Variants in TSPAN9 observed in about 807,000 individuals in gnomAD.
TSPAN9 encodes the protein tetraspanin-9.
A neutral mutation model predicts 31.0 loss-of-function variants in TSPAN9; 16 were observed. The ratio of observed to expected loss-of-function variants is 0.52; its 90% CI spans 0.35 to 0.78. TSPAN9 has a LOEUF of 0.78. TSPAN9 is among the 30% of genes least tolerant of loss of function. The pLI, the probability that TSPAN9 is intolerant of heterozygous loss-of-function variation, is 0.01. For synonymous variants in TSPAN9, 145 were observed against 121.6 expected (o/e 1.19, Z -1.27); for missense variants, 272 against 312.5 (o/e 0.87, Z 0.98).
rs988250196 is a variant in TSPAN9, at chr12:3,107,344, C to T, written c.-18+23625C>T. On this transcript the variant is annotated intron_variant, in intron 2 of 8. Transcript: ENST00000011898. The surrounding 1 kb of genome is among the most constrained non-coding windows in gnomAD (Gnocchi z 4.1). ...TGAAAACCTGAGGTCTGCCAGGCGG[C>T]ACTGCAGGGGGCGGGAGTGGCCTGG... 6.6e-6 allele frequency among the ~76,000 whole-genome samples: 1 copy of T among 152,234 alleles called. No homozygotes were observed. Among genetic ancestry groups the T allele is most frequent in the African/African-American group, 2.4e-5 (1 of 41,462 alleles).
At chr12:3,086,489 C>T (rs1277268082) in intron 2 of TSPAN9, among the ~76,000 whole-genome samples, 1 of 152,188 alleles carries the variant, frequency 6.6e-6, no homozygotes, top group Non-Finnish European at 1.5e-5. Context: ...GTGACCATTT[C>T]TACTCTCAAT....
intron 3 of TSPAN9, among the ~76,000 whole-genome samples, chr12:3,225,909 A>T (rs1276793788): frequency 6.6e-6 from 1 of 152,136 alleles, no homozygotes; most frequent in African/African-American, 2.4e-5. Flanking sequence ...GGGACGGTCC[A>T]TGTGCACACA....
At chr12:3,174,258 A>C (rs756437319) in intron 2 of TSPAN9, among the ~76,000 whole-genome samples, 2 of 151,668 alleles carry the variant, frequency 1.3e-5, no homozygotes, top group Non-Finnish European at 2.9e-5. Flanking sequence ...GTACAGACAG[A>C]GTCTTACTAT....
chr12:3,144,738 T>TC (rs2098336392), intron 2 of TSPAN9, among the ~76,000 whole-genome samples: 1 of 152,194 alleles, frequency 6.6e-6, no homozygotes, highest in Non-Finnish European at 1.5e-5. Flanking sequence ...CCTGAGATCA[T>TC]CCTCTCTCAC....
chr12:3,206,719 A>T (rs1482174414), intron 3 of TSPAN9, among the ~76,000 whole-genome samples: 1 of 151,972 alleles, frequency 6.6e-6, no homozygotes, highest in African/African-American at 2.4e-5. Context: ...CGGGACTTTG[A>T]GCTGCTCAGA....
intron 2 of TSPAN9, among the ~76,000 whole-genome samples, chr12:3,151,848 G>A (rs555239856): frequency 6.6e-6 from 1 of 151,982 alleles, no homozygotes; most frequent in African/African-American, 2.4e-5. Context: ...GCTTGAACCC[G>A]TGAGGCGGAG....
intron 3 of TSPAN9, among the ~76,000 whole-genome samples, chr12:3,201,849 T>C (rs968982624): frequency 1.3e-5 from 2 of 152,022 alleles, no homozygotes; most frequent in African/African-American, 4.8e-5. Context: ...TGCTCCCGAG[T>C]TGGGGCCTGG....
chr12:3,186,691 T>C (rs1450558662), intron 2 of TSPAN9, among the ~76,000 whole-genome samples: 1 of 152,110 alleles, frequency 6.6e-6, no homozygotes. Context: ...ACGATCACTG[T>C]AGTATAAGAG....
At chr12:3,237,124 A>G (rs976117130) in intron 3 of TSPAN9, among the ~76,000 whole-genome samples, 2 of 152,146 alleles carry the variant, frequency 1.3e-5, no homozygotes, top group African/African-American at 4.8e-5. Context: ...TGTGTCCAGG[A>G]GAGAGGAGGG....
chr12:3,280,628 G>A lies in TSPAN9; in HGVS notation c.432+145G>A, dbSNP rs2153980987. 1.4e-6 allele frequency: 1 copy of A among 709,280 alleles called. No homozygotes were observed. The highest frequency in any genetic ancestry group is 2.4e-6 in the Non-Finnish European group (1 of 419,522). 43.9% of individuals were successfully genotyped at this position (709,280 alleles called of 1,614,324 possible). The stretch of plus-strand genomic sequence containing the variant: ...TGGAGTGGTACCCACGGGGGCATTT[G>A]CCTGAACTGCTGAGTCAGATGTGAT... On this transcript the variant is annotated intron_variant, in intron 6 of 8. Coordinates refer to ENST00000011898, the MANE Select transcript of TSPAN9 (RefSeq NM_006675.5). This position sits in a 1 kb window ranked among gnomAD's most constrained non-coding sequence, Gnocchi z 4.5.
Position 3,077,424 on chromosome 12 carries a change from G to T in TSPAN9, c.-114G>T. The T allele has an allele frequency of 6.6e-6, 1 of 152,044 alleles. No individual in the cohort carries two copies. Among genetic ancestry groups the T allele is most frequent in the South Asian group, 1.8e-4 (1 of 5,632 alleles). 9.4% of individuals were successfully genotyped at this position (152,044 alleles called of 1,614,324 possible). ...CGGCGGCGGTGCCGGAGCGCGAGCA[G>T]AGCGGAGACCCCCAGGTCCTGCGGG... On this transcript the variant is annotated 5_prime_UTR_variant, in exon 1 of 9. Coordinates refer to ENST00000011898, the MANE Select transcript of TSPAN9 (RefSeq NM_006675.5).
chr12:3,149,339 G>C (rs1228421113), intron 2 of TSPAN9, among the ~76,000 whole-genome samples: 2 of 152,308 alleles, frequency 1.3e-5, no homozygotes, highest in South Asian at 2.1e-4. Flanking sequence ...GCAGGAAGGA[G>C]GGAGATGCCC....
intron 4 of TSPAN9, among the ~76,000 whole-genome samples, 180 bp from the exon 5 acceptor site, chr12:3,278,812 C>G (rs1044139618): frequency 1.3e-5 from 2 of 152,232 alleles, no homozygotes; most frequent in African/African-American, 4.8e-5. Flanking sequence ...CCCTCCCACT[C>G]CCTGATTAGT....
At chr12:3,112,972 C>T (rs2098319947) in intron 2 of TSPAN9, among the ~76,000 whole-genome samples, 1 of 152,110 alleles carries the variant, frequency 6.6e-6, no homozygotes, top group African/African-American at 2.4e-5. Flanking sequence ...AGGAATACAC[C>T]ATTGTGCCCA....
In TSPAN9 at chr12:3,231,995, C is replaced by T. The variant is rs1259637996; in HGVS notation, c.63+30739C>T. On this transcript the variant is annotated intron_variant, in intron 3 of 8. Coordinates refer to ENST00000011898, the MANE Select transcript of TSPAN9 (RefSeq NM_006675.5). ...ATTGCAGCAGTACGGTTATTTGTGC[C>T]CTTGGAGGGATTAAGAGTCTGTAGG... is the stretch of plus-strand genomic sequence containing the variant. Among the ~76,000 whole-genome samples the T allele has an allele frequency of 5.9e-5, 9 of 152,316 alleles. No homozygotes were observed. The East Asian group carries it at 1.7e-3, about 29-fold the overall frequency.
chr12:3,229,849 GGTT>G (rs2098389776), intron 3 of TSPAN9, among the ~76,000 whole-genome samples: 1 of 152,184 alleles, frequency 6.6e-6, no homozygotes, highest in Non-Finnish European at 1.5e-5. Flanking sequence ...AGGCAGGCAT[GGTT>G]GCACCAGCTT....
At chr12:3,142,464 A>G (rs2098335315) in intron 2 of TSPAN9, among the ~76,000 whole-genome samples, 1 of 152,136 alleles carries the variant, frequency 6.6e-6, no homozygotes, top group South Asian at 2.1e-4. Flanking sequence ...ATGTGGGACA[A>G]GGGCTGTGGG....
At chr12:3,268,221 G>T (rs1470234781) in intron 3 of TSPAN9, among the ~76,000 whole-genome samples, 1 of 134,664 alleles carries the variant, frequency 7.4e-6, no homozygotes, top group Non-Finnish European at 1.6e-5. Context: ...CCTGCAGCCT[G>T]CCCTCTCTGT....
At chr12:3,182,409 C>T (rs927056639) in intron 2 of TSPAN9, among the ~76,000 whole-genome samples, 1 of 151,812 alleles carries the variant, frequency 6.6e-6, no homozygotes, top group African/African-American at 2.4e-5. Context: ...TGTTCTTGGC[C>T]TAAGGTGAGG....
Sources: allele counts gnomAD v4.1 joint callset (sites outside exome capture counted in the v4.1 genomes callset), GRCh38; gene constraint gnomAD v4.1.1; non-coding constraint Gnocchi (gnomAD v3.1); transcripts MANE v1.5; gene names NCBI Gene and HGNC (gene_info 2026-07-23, HGNC 2026-07-21).